RNF130: variants seen among roughly 807,000 people sequenced by gnomAD.
RNF130 encodes E3 ubiquitin-protein ligase RNF130.
RNF130 carries 21 observed loss-of-function variants against 44.6 expected under a neutral mutation model. That is an observed-to-expected ratio of 0.47 (90% confidence interval 0.33 to 0.68). The LOEUF (loss-of-function observed/expected upper bound fraction) is 0.68. Among genes scored for constraint, RNF130 ranks in the 30% least tolerant of loss-of-function variants. The pLI, the probability that RNF130 is intolerant of heterozygous loss-of-function variation, is 0.02. For missense variants in RNF130, 479 were observed against 560.6 expected, an observed-to-expected ratio of 0.85 and a Z score of 1.47; for synonymous variants, 214 against 210.4, an observed-to-expected ratio of 1.02 and a Z score of -0.15.
intron 5 of RNF130, among the ~76,000 whole-genome samples, chr5:179,971,838 C>T (rs1762594081): frequency 6.6e-6 from 1 of 152,204 alleles, no homozygotes; most frequent in African/African-American, 2.4e-5. Context: ...CTGGAACAAA[C>T]ATTCATGCTT....
At chr5:179,914,385 A>G (rs1439388147) in exon 8 of RNF130, 1 of 152,280 alleles carries the variant, frequency 6.6e-6, no homozygotes, top group African/African-American at 2.4e-5. Flanking sequence ...CTAGTTGGAC[A>G]GCCTTTCTTG....
At chr5:180,069,910 G>C (rs537779046) in intron 1 of RNF130, among the ~76,000 whole-genome samples, 3 of 152,302 alleles carry the variant, frequency 2.0e-5, no homozygotes, top group Admixed American at 6.5e-5. Flanking sequence ...TTTGTTTGGG[G>C]TGACAGGCAA....
At chr5:180,011,697 C>A (rs1426902970) in intron 3 of RNF130, among the ~76,000 whole-genome samples, 3 of 151,912 alleles carry the variant, frequency 2.0e-5, no homozygotes, top group Middle Eastern at 3.2e-3. Context: ...AGCCCAGGAG[C>A]TGGAGGCTGC....
At chr5:180,015,053 T>C (rs1207545302) in intron 2 of RNF130, among the ~76,000 whole-genome samples, 5 of 152,168 alleles carry the variant, frequency 3.3e-5, no homozygotes, top group African/African-American at 1.2e-4. Context: ...CATATACCTT[T>C]TTACTACCTT....
intron 8 of RNF130, among the ~76,000 whole-genome samples, chr5:179,962,499 T>C (rs1038820582): frequency 8.5e-5 from 13 of 152,162 alleles, no homozygotes; most frequent in African/African-American, 3.1e-4. Context: ...ATTCCACCCA[T>C]ATCAACCTAG....
chr5:179,955,915 A>C (rs1762202549), intron 8 of RNF130: 1 of 393,870 alleles, frequency 2.5e-6, no homozygotes, highest in South Asian at 1.2e-4. Context: ...GGTCAGGCCC[A>C]TGGCGTGTTG....
chr5:180,045,639 G>C (rs1455745279), intron 1 of RNF130, among the ~76,000 whole-genome samples: 1 of 152,162 alleles, frequency 6.6e-6, no homozygotes, highest in Non-Finnish European at 1.5e-5. Flanking sequence ...CATTTTGACA[G>C]GGTGCTGACT....
chr5:180,057,305 T>C (rs1015955586), intron 1 of RNF130, among the ~76,000 whole-genome samples: 1 of 152,306 alleles, frequency 6.6e-6, no homozygotes, highest in Non-Finnish European at 1.5e-5. Context: ...TCCCAGCACT[T>C]TGGGAGGCCG....
At chr5:180,001,886 C>T (rs575858238) in intron 3 of RNF130, among the ~76,000 whole-genome samples, 21 of 152,324 alleles carry the variant, frequency 1.4e-4, no homozygotes, top group South Asian at 1.0e-3. Flanking sequence ...TAGAGTTCTA[C>T]GGCCTGTAAG....
At chr5:180,022,909 C>T (rs747829577) in intron 2 of RNF130, among the ~76,000 whole-genome samples, 3 of 152,162 alleles carry the variant, frequency 2.0e-5, no homozygotes, top group Non-Finnish European at 4.4e-5. Flanking sequence ...GTAGAGAGTT[C>T]GGCATTCTAA....
chr5:180,022,091 C>A (rs1003594581), intron 2 of RNF130, among the ~76,000 whole-genome samples: 1 of 152,224 alleles, frequency 6.6e-6, no homozygotes, highest in Non-Finnish European at 1.5e-5. Flanking sequence ...GGTGAGGCTG[C>A]GCTCTTTTCA....
intron 2 of RNF130, among the ~76,000 whole-genome samples, chr5:180,028,852 A>G (rs10479557): frequency 0.67 from 102,145 of 152,104 alleles, 34,628 homozygotes; most frequent in African/African-American, 0.75. Context: ...AAGAAAAAGT[A>G]TACTTAGAAA....
intron 1 of RNF130, among the ~76,000 whole-genome samples, chr5:180,068,474 CAT>C (rs1378311783): frequency 3.3e-5 from 5 of 152,294 alleles, no homozygotes; most frequent in Non-Finnish European, 5.9e-5. Context: ...ATGACAAAGA[CAT>C]ATTTTTAAAG....
chr5:179,998,595 A>T (rs141289135), intron 3 of RNF130, among the ~76,000 whole-genome samples: 38 of 152,204 alleles, frequency 2.5e-4, no homozygotes, highest in African/African-American at 8.4e-4. Flanking sequence ...AACTGTGCCT[A>T]GCTGATATCA....
At chr5:180,047,304 T>C (rs1257713849) in intron 1 of RNF130, among the ~76,000 whole-genome samples, 2 of 152,256 alleles carry the variant, frequency 1.3e-5, no homozygotes, top group Non-Finnish European at 2.9e-5. Flanking sequence ...TTATTTTTAA[T>C]GGCAGCTACT....
At chr5:180,058,618 T>C (rs1367585762) in intron 1 of RNF130, among the ~76,000 whole-genome samples, 2 of 150,938 alleles carry the variant, frequency 1.3e-5, no homozygotes, top group Admixed American at 1.3e-4. Flanking sequence ...TGTAGTAGTG[T>C]GATCTCGGCT....
At chr5:180,044,694 T>TG (rs1223714675) in intron 1 of RNF130, among the ~76,000 whole-genome samples, 3 of 151,928 alleles carry the variant, frequency 2.0e-5, no homozygotes, top group African/African-American at 7.3e-5. Context: ...TAGCTGGGCA[T>TG]GGTGGTGGGT....
chr5:179,924,589 G>A (rs917653617), intron 7 of RNF130, among the ~76,000 whole-genome samples: 6 of 151,564 alleles, frequency 4.0e-5, no homozygotes, highest in African/African-American at 1.5e-4. Context: ...CCTGAGGTCA[G>A]GAGGAGTTCG....
At chr5:179,915,111 T>C (rs1761523829) in exon 8 of RNF130, 1 of 151,754 alleles carries the variant, frequency 6.6e-6, no homozygotes, top group African/African-American at 2.4e-5. Flanking sequence ...GTGGATCATT[T>C]GAGGTCAGGA....
Sources: allele counts gnomAD v4.1 joint callset (sites outside exome capture counted in the v4.1 genomes callset), GRCh38; gene constraint gnomAD v4.1.1; transcripts MANE v1.5; gene names NCBI Gene and HGNC (gene_info 2026-07-23, HGNC 2026-07-21).